Variants in UGGT2 observed in about 807,000 individuals in gnomAD.
UGGT2 encodes the protein UDP-glucose glycoprotein glucosyltransferase 2, also known as UDP-glucose:glycoprotein glucosyltransferase 2.
A neutral mutation model predicts 192.1 loss-of-function variants in UGGT2; 180 were observed. That is an observed-to-expected ratio of 0.94 (90% CI 0.83 to 1.06). UGGT2 has a LOEUF of 1.06. UGGT2 is among the 50% of genes least tolerant of loss of function. UGGT2 has a pLI of 0.00. For missense variants in UGGT2, 1,849 were observed against 1,795.7 expected (o/e 1.03, Z -0.54); for synonymous variants, 580 against 591.0 (o/e 0.98, Z 0.27).
intron 36 of UGGT2, among the ~76,000 whole-genome samples, chr13:95,838,415 C>T (rs1360072300): frequency 6.6e-6 from 1 of 152,098 alleles, no homozygotes; most frequent in Non-Finnish European, 1.5e-5. Context: ...CAATCAAAGG[C>T]TTAGCAAGTT....
intron 34 of UGGT2, among the ~76,000 whole-genome samples, chr13:95,855,497 GT>G (rs555723276): frequency 1.5e-3 from 184 of 124,530 alleles, no homozygotes; most frequent in Middle Eastern, 4.1e-3. Flanking sequence ...GGCCTTGGGT[GT>G]TTTTTTTTTT....
At chr13:95,897,640 GC>G (rs2047984528) in intron 22 of UGGT2, among the ~76,000 whole-genome samples, 1 of 152,100 alleles carries the variant, frequency 6.6e-6, no homozygotes, top group South Asian at 2.1e-4. Context: ...TATAACATCT[GC>G]CACATTGCTG....
chr13:95,995,956 T>C (rs1361667014), intron 7 of UGGT2, 107 bp downstream of exon 7: 7 of 933,078 alleles, frequency 7.5e-6, no homozygotes, highest in East Asian at 2.5e-5. Flanking sequence ...GTGTTTGTAC[T>C]TTCTACATAA....
At chr13:95,845,745 C>T (rs1358082126) in intron 36 of UGGT2, among the ~76,000 whole-genome samples, 36 of 151,040 alleles carry the variant, frequency 2.4e-4, no homozygotes, top group Non-Finnish European at 4.3e-4. Flanking sequence ...GACGGGGTGG[C>T]GGCGGGGCAG....
At chr13:96,028,115 C>T (rs1257956771) in intron 2 of UGGT2, among the ~76,000 whole-genome samples, 6 of 152,178 alleles carry the variant, frequency 3.9e-5, no homozygotes, top group Admixed American at 2.6e-4. Context: ...ACTTAAATTA[C>T]CGTTTTTCAT....
intron 38 of UGGT2, among the ~76,000 whole-genome samples, chr13:95,823,819 ACTG>A (rs1231024393): frequency 1.3e-5 from 2 of 151,954 alleles, no homozygotes; most frequent in Non-Finnish European, 2.9e-5. Context: ...ACCTAGATAA[ACTG>A]TTGTTGTTGT....
At chr13:96,012,803 G>A (rs1283501204) in intron 5 of UGGT2, among the ~76,000 whole-genome samples, 1 of 151,810 alleles carries the variant, frequency 6.6e-6, no homozygotes, top group Non-Finnish European at 1.5e-5. Flanking sequence ...AACTTGAGGA[G>A]ATACAGTAAT....
chr13:95,978,525 T>C (rs2051012744), intron 10 of UGGT2, among the ~76,000 whole-genome samples: 1 of 152,218 alleles, frequency 6.6e-6, no homozygotes, highest in Admixed American at 6.5e-5. Flanking sequence ...AACATTTTTA[T>C]CTTGATATGA....
chr13:95,899,832 G>C (rs1050648083), intron 22 of UGGT2, among the ~76,000 whole-genome samples: 2 of 152,120 alleles, frequency 1.3e-5, no homozygotes, highest in African/African-American at 2.4e-5. Context: ...ATAAATGGCA[G>C]CTTTTGACAT....
At chr13:95,948,300 C>T (rs1484852621) in intron 13 of UGGT2, among the ~76,000 whole-genome samples, 1 of 150,896 alleles carries the variant, frequency 6.6e-6, no homozygotes, top group African/African-American at 2.4e-5. Context: ...AGCTGCACAT[C>T]CAAACATAAT....
chr13:95,935,895 T>G (rs551949674), intron 17 of UGGT2, among the ~76,000 whole-genome samples: 1 of 152,172 alleles, frequency 6.6e-6, no homozygotes, highest in Non-Finnish European at 1.5e-5. Flanking sequence ...GGCATGATCA[T>G]GACTTACTGC....
At chr13:95,934,485 C>A (rs1026406119) in intron 17 of UGGT2, among the ~76,000 whole-genome samples, 3 of 152,224 alleles carry the variant, frequency 2.0e-5, no homozygotes, top group African/African-American at 7.2e-5. Context: ...AAGGAGCCAG[C>A]TAAGAACTTC....
chr13:95,998,709 G>T (rs1162518511), intron 6 of UGGT2, among the ~76,000 whole-genome samples: 1 of 151,910 alleles, frequency 6.6e-6, no homozygotes, highest in Admixed American at 6.6e-5. Flanking sequence ...GATAGATATT[G>T]GTTAGTAGAT....
intron 36 of UGGT2, among the ~76,000 whole-genome samples, chr13:95,843,669 G>A (rs1888097769): frequency 6.6e-6 from 1 of 151,728 alleles, no homozygotes; most frequent in Admixed American, 6.6e-5. Context: ...AGGTTTTTGG[G>A]GTTTTTTTTT....
intron 38 of UGGT2, among the ~76,000 whole-genome samples, chr13:95,824,563 A>G (rs910404225): frequency 6.6e-6 from 1 of 152,130 alleles, no homozygotes; most frequent in East Asian, 1.9e-4. Flanking sequence ...TTTTGTCTAC[A>G]TGTTGTAGTC....
At chr13:95,916,626 A>G (rs1370002579) in intron 20 of UGGT2, among the ~76,000 whole-genome samples, 3 of 152,208 alleles carry the variant, frequency 2.0e-5, no homozygotes, top group Non-Finnish European at 4.4e-5. Flanking sequence ...AGCATGTTCT[A>G]ACCCAATGCA....
intron 10 of UGGT2, 133 bp downstream of exon 10, chr13:95,983,668 TAGA>T (rs2051199352): frequency 4.2e-6 from 3 of 722,592 alleles, no homozygotes; most frequent in Non-Finnish European, 7.2e-6. Flanking sequence ...AGTATAAAAA[TAGA>T]AGAACCCAGA....
At chr13:95,897,929 T>C (rs2047993348) in intron 22 of UGGT2, among the ~76,000 whole-genome samples, 1 of 152,052 alleles carries the variant, frequency 6.6e-6, no homozygotes, top group South Asian at 2.1e-4. Flanking sequence ...TGAATTCTCT[T>C]TCCTTCTTCT....
intron 15 of UGGT2, 123 bp downstream of exon 15, chr13:95,946,914 G>T: frequency 9.3e-7 from 1 of 1,073,474 alleles, no homozygotes; most frequent in Non-Finnish European, 1.3e-6. Context: ...CTCCATGACA[G>T]TTTATAAACT....
Sources: gnomAD v4.1 joint callset for allele counts (sites outside exome capture counted in the v4.1 genomes callset) on GRCh38, gnomAD v4.1.1 for gene constraint, MANE v1.5 for transcripts, NCBI Gene and HGNC (gene_info 2026-07-23, HGNC 2026-07-21) for gene names.